Variants in CDC42BPB observed in about 807,000 individuals in gnomAD.
CDC42BPB encodes the protein serine/threonine-protein kinase MRCK beta.
In CDC42BPB, 37 loss-of-function variants were observed where a neutral mutation model predicts 214.9. The observed-to-expected ratio is 0.17, with a 90% CI of 0.13 to 0.23. CDC42BPB has a LOEUF of 0.23. Among genes scored for constraint, CDC42BPB ranks in the 10% least tolerant of loss-of-function variants. The probability of loss-of-function intolerance (pLI) is 1.00; values close to 1 mark genes in which losing one functional copy is unlikely to be tolerated. For synonymous variants in CDC42BPB, 931 were observed against 884.0 expected (o/e 1.05, Z -0.94); for missense variants, 1,694 against 2,227.0 (o/e 0.76, Z 4.82).
intron 1 of CDC42BPB, among the ~76,000 whole-genome samples, chr14:103,021,945 G>A (rs1311551626): frequency 6.6e-6 from 1 of 152,184 alleles, no homozygotes; most frequent in Non-Finnish European, 1.5e-5. Flanking sequence ...GCACTAGGAC[G>A]CTGGAGTTGC....
chr14:103,056,516 G>C (rs1888961363), intron 1 of CDC42BPB, among the ~76,000 whole-genome samples: 1 of 151,944 alleles, frequency 6.6e-6, no homozygotes, highest in African/African-American at 2.4e-5. Flanking sequence ...AGCGTGGGGT[G>C]GGGAAAGGGA....
At chr14:103,022,785 T>C (rs1470721452) in intron 1 of CDC42BPB, among the ~76,000 whole-genome samples, 1 of 152,168 alleles carries the variant, frequency 6.6e-6, no homozygotes, top group African/African-American at 2.4e-5. Context: ...CAAGCTTCAA[T>C]AAGCAATTGT....
chr14:102,940,618 G>A (rs1374550096), intron 30 of CDC42BPB: 1 of 596,316 alleles, frequency 1.7e-6, no homozygotes, highest in Non-Finnish European at 2.7e-6. Flanking sequence ...TTTTCATTTA[G>A]CTCTCATGAG....
chr14:102,941,938 C>T (rs1891909043), intron 30 of CDC42BPB, among the ~76,000 whole-genome samples: 1 of 152,234 alleles, frequency 6.6e-6, no homozygotes, highest in Non-Finnish European at 1.5e-5. Flanking sequence ...TCTGCATCTG[C>T]ACTGTGCCCG....
chr14:102,957,723 C>G (rs924341406), intron 21 of CDC42BPB, among the ~76,000 whole-genome samples: 2 of 152,236 alleles, frequency 1.3e-5, no homozygotes, highest in African/African-American at 4.8e-5. Flanking sequence ...GTTGTAATGA[C>G]AGACACAGGC....
At position 102,944,021 on chromosome 14, in the gene CDC42BPB, G is replaced by A. The variant is rs749803255; in HGVS notation, c.4278C>T (p.Ala1426=). 2 of 1,613,434 alleles carry A rather than the reference G, an allele frequency of 1.2e-6. No individual in the cohort carries two copies. Among genetic ancestry groups the A allele is most frequent in the Middle Eastern group, 1.6e-4 (1 of 6,062 alleles). The change falls in exon 30 of 37, where the codon GCC becomes GCT. Residue 1426 remains alanine (A), a synonymous_variant. Transcript: ENST00000361246. This position sits in a 1 kb window ranked among gnomAD's most constrained non-coding sequence, Gnocchi z 6.6. ...LAFLSQQSFD[A]LCAVELESEE... The stretch of plus-strand genomic sequence containing the variant: ...CGCTTTCGAGCTCCACAGCACAAAG[G>A]GCATCAAAAGACTGTTGTGAGAGGA...
At chr14:103,041,872 G>T (rs1753178098) in intron 1 of CDC42BPB, 2 of 421,234 alleles carry the variant, frequency 4.7e-6, no homozygotes, top group Non-Finnish European at 9.3e-6. Flanking sequence ...CACCAGGAAG[G>T]GAGACAGTTC....
rs1426668172 is a variant in CDC42BPB, at chr14:103,004,251, C to T, written c.352-228G>A. On this transcript the variant is annotated intron_variant, in intron 3 of 36. Transcript: ENST00000361246. This position sits in a 1 kb window ranked among gnomAD's most constrained non-coding sequence, Gnocchi z 5.3. ...AGGGCTGCTGAGGAGGCACTTGCACCCTGCTGTCCCACGGGCACCATTTCT... is the reference window on the plus strand; with the variant it reads ...AGGGCTGCTGAGGAGGCACTTGCACTCTGCTGTCCCACGGGCACCATTTCT... 6 of 1,137,998 alleles carry T rather than the reference C, an allele frequency of 5.3e-6. No individual in the cohort carries two copies. The highest frequency in any genetic ancestry group is 6.7e-6 in the Non-Finnish European group (6 of 891,654). 70.5% of individuals were successfully genotyped at this position (1,137,998 alleles called of 1,614,324 possible). A position where few individuals can be genotyped will look rare whatever the true frequency, so the allele number is the denominator to read the frequency against.
chr14:103,049,167 A>G (rs1362014219), intron 1 of CDC42BPB, among the ~76,000 whole-genome samples: 1 of 152,254 alleles, frequency 6.6e-6, no homozygotes, highest in Non-Finnish European at 1.5e-5. Context: ...AATGTCTAAA[A>G]TGGTAAAATC....
At position 102,947,738 on chromosome 14, in the gene CDC42BPB, T is replaced by C. The variant is rs1892248315; in HGVS notation, c.3514A>G (p.Ile1172Val). ...ATTCATACCCTGAATATACATGGAATATCTCGGCGTGTAGCATGAATGACA... is the reference window on the plus strand; with the variant it reads ...ATTCATACCCTGAATATACATGGAACATCTCGGCGTGTAGCATGAATGACA... ...SDVIHATRRD[I>V]PCIFRVTASL... The change falls in exon 27 of 37, where the codon ATT (isoleucine) becomes GTT (valine). Residue 1172 changes from isoleucine (I) to valine (V), a missense_variant. Coordinates refer to ENST00000361246, the MANE Select transcript of CDC42BPB (RefSeq NM_006035.4). 6.2e-7 allele frequency: 1 copy of C among 1,611,854 alleles called. No homozygotes were observed. Among genetic ancestry groups the C allele is most frequent in the African/African-American group, 1.3e-5 (1 of 74,898 alleles).
intron 29 of CDC42BPB, 103 bp downstream of exon 29, chr14:102,945,559 A>G (rs1892122768): frequency 9.5e-7 from 1 of 1,049,868 alleles, no homozygotes; most frequent in East Asian, 2.4e-5. Flanking sequence ...CGCCTTCATC[A>G]AGCGCATTTG....
intron 1 of CDC42BPB, chr14:103,041,747 G>A (rs1200744117): frequency 1.9e-6 from 1 of 528,794 alleles, no homozygotes; most frequent in Non-Finnish European, 3.5e-6. Flanking sequence ...CAGACCATTA[G>A]CATCTCTGTG....
Position 102,944,159 on chromosome 14 carries a change from C to T in CDC42BPB, c.4140G>A (p.Ala1380=), listed in dbSNP as rs1374951583. 19 of 1,613,084 alleles carry T rather than the reference C, an allele frequency of 1.2e-5. No homozygotes were observed. The highest frequency in any genetic ancestry group is 1.6e-4 in the Middle Eastern group (1 of 6,084). ...IVAPGSVQCL[A]VLRDRLCVGY... ...CCACACAGAGCCTGTCCCTGAGCAC[C>T]GCCAGGCACTGCACGCTGCCGGGAG... The change falls in exon 30 of 37, where the codon GCG becomes GCA. Residue 1380 remains alanine (A), a synonymous_variant. Transcript: ENST00000361246. This position sits in a 1 kb window ranked among gnomAD's most constrained non-coding sequence, Gnocchi z 6.6.
intron 20 of CDC42BPB, 102 bp downstream of exon 20, chr14:102,962,959 T>G (rs1893028539): frequency 3.4e-6 from 2 of 589,550 alleles, no homozygotes; most frequent in Non-Finnish European, 3.0e-6. Context: ...TGGAATTCTG[T>G]AGGTGCTTCT....
rs538152767 is a variant in CDC42BPB at position 102,994,642 on chromosome 14, C to A, written c.596+4923G>T. Reference sequence around the variant, plus strand: ...CGCTGAGAAGCAGCTCTAGGCTCCCCCAAGTGCATTTTCTCCCAGCTGCTG... The same window carrying A: ...CGCTGAGAAGCAGCTCTAGGCTCCCACAAGTGCATTTTCTCCCAGCTGCTG... On this transcript the variant is annotated intron_variant, in intron 5 of 36. Transcript: ENST00000361246. 3.3e-5 allele frequency among the ~76,000 whole-genome samples: 5 copies of A among 152,342 alleles called. No homozygotes were observed. The South Asian group carries it at 1.0e-3, about 32-fold the overall frequency.
chr14:102,957,182 C>CA (rs1295800730), intron 21 of CDC42BPB, among the ~76,000 whole-genome samples: 2 of 114,778 alleles, frequency 1.7e-5, no homozygotes, highest in African/African-American at 7.0e-5. Context: ...GCCTGGGTGA[C>CA]AGAGTAAGAC....
rs150855245 is a variant in CDC42BPB, at chr14:102,939,640, G to A, written c.4797C>T (p.Asp1599=). The A allele has an allele frequency of 2.5e-5, 41 of 1,613,948 alleles. No individual in the cohort carries two copies. The highest frequency in any genetic ancestry group is 4.5e-5 in the East Asian group (2 of 44,894). ...GCAGGTCCATGAGCACCTGCATGCCGTCGCCTGGGCCCATGTGGGCCACGT... is the reference window on the plus strand; with the variant it reads ...GCAGGTCCATGAGCACCTGCATGCCATCGCCTGGGCCCATGTGGGCCACGT... ...FNHVAHMGPG[D]GMQVLMDLPL... The change falls in exon 34 of 37, where the codon GAC becomes GAT. Residue 1599 remains aspartate, a synonymous_variant. Coordinates refer to ENST00000361246, the MANE Select transcript of CDC42BPB (RefSeq NM_006035.4).
At chr14:102,992,778 TAAAAATATATATATTC>T (rs1485960651) in intron 5 of CDC42BPB, among the ~76,000 whole-genome samples, 1 of 148,380 alleles carries the variant, frequency 6.7e-6, no homozygotes, top group Non-Finnish European at 1.5e-5. Flanking sequence ...AAATATATAT[TAAAAATATATATATTC>T]AAAAATATAT....
At chr14:102,968,422 CGTGG>C in intron 15 of CDC42BPB, 46 bp downstream of exon 15, 1 of 1,613,242 alleles carries the variant, frequency 6.2e-7, no homozygotes, top group Admixed American at 1.7e-5. Context: ...GTATCTATGG[CGTGG>C]GTATCAGCTT....
Sources: allele counts gnomAD v4.1 joint callset (sites outside exome capture counted in the v4.1 genomes callset), GRCh38; gene constraint gnomAD v4.1.1; non-coding constraint Gnocchi (gnomAD v3.1); transcripts MANE v1.5; gene names NCBI Gene and HGNC (gene_info 2026-07-23, HGNC 2026-07-21).